Variants in SPMIP2 observed in about 807,000 individuals in gnomAD.
The protein encoded by SPMIP2 is sperm microtubule inner protein 2, also known as protein SPMIP2.
chr4:158,956,651 C>A, the SPMIP2 span, among the ~76,000 whole-genome samples: 1 of 152,242 alleles, frequency 6.6e-6, no homozygotes, highest in Non-Finnish European at 1.5e-5. Flanking sequence ...ATGTGACAAT[C>A]TCTGACATTC....
At chr4:159,015,009 A>G in the SPMIP2 span, among the ~76,000 whole-genome samples, 10 of 152,350 alleles carry the variant, frequency 6.6e-5, no homozygotes, top group Admixed American at 2.6e-4. Flanking sequence ...ATGTGTTATA[A>G]CTACAGTGAT....
chr4:159,075,639 A>C, the SPMIP2 span, among the ~76,000 whole-genome samples: 1 of 152,188 alleles, frequency 6.6e-6, no homozygotes, highest in African/African-American at 2.4e-5. Context: ...CGTGTAGGAC[A>C]AAGCAATCAT....
At chr4:158,983,924 G>A in the SPMIP2 span, among the ~76,000 whole-genome samples, 4 of 120,782 alleles carry the variant, frequency 3.3e-5, no homozygotes, top group Admixed American at 1.9e-4. Flanking sequence ...GACACATATA[G>A]GCTCAAAATA....
At chr4:159,021,657 ATCTC>A in the SPMIP2 span, among the ~76,000 whole-genome samples, 1 of 150,344 alleles carries the variant, frequency 6.7e-6, no homozygotes, top group Non-Finnish European at 1.5e-5. Flanking sequence ...CCTGATTTCT[ATCTC>A]TATCTTCTGA....
chr4:158,941,366 C>A, the SPMIP2 span, among the ~76,000 whole-genome samples: 1 of 152,210 alleles, frequency 6.6e-6, no homozygotes, highest in Non-Finnish European at 1.5e-5. Context: ...AAGCTTTCTG[C>A]TGTTCTTTTT....
At chr4:159,063,294 C>A in the SPMIP2 span, among the ~76,000 whole-genome samples, 2 of 152,290 alleles carry the variant, frequency 1.3e-5, no homozygotes. Flanking sequence ...CATGGTGGCT[C>A]ACGCCTGTAA....
the SPMIP2 span, among the ~76,000 whole-genome samples, chr4:158,961,622 G>A: frequency 1.3e-5 from 2 of 152,016 alleles, no homozygotes; most frequent in Non-Finnish European, 2.9e-5. Context: ...AATTTTGCAG[G>A]ACTTGGATGA....
At chr4:158,989,651 A>G in the SPMIP2 span, among the ~76,000 whole-genome samples, 2 of 152,206 alleles carry the variant, frequency 1.3e-5, no homozygotes, top group Non-Finnish European at 2.9e-5. Flanking sequence ...TATTTAATAA[A>G]TGGTGTTGGG....
the SPMIP2 span, among the ~76,000 whole-genome samples, chr4:158,952,485 G>A: frequency 1.3e-5 from 2 of 152,208 alleles, no homozygotes; most frequent in South Asian, 2.1e-4. Context: ...GTGGAACTAA[G>A]TCCAATTAAA....
chr4:158,963,882 C>T, the SPMIP2 span, among the ~76,000 whole-genome samples: 1 of 152,088 alleles, frequency 6.6e-6, no homozygotes, highest in East Asian at 1.9e-4. Flanking sequence ...GAGGGGTCAG[C>T]CGAGTACGGT....
At chr4:158,948,596 T>G in the SPMIP2 span, among the ~76,000 whole-genome samples, 2 of 151,942 alleles carry the variant, frequency 1.3e-5, no homozygotes, top group African/African-American at 4.8e-5. Context: ...GGTTTGTTTT[T>G]TTTTTTTTTC....
At chr4:159,040,641 C>T in the SPMIP2 span, among the ~76,000 whole-genome samples, 2 of 151,986 alleles carry the variant, frequency 1.3e-5, no homozygotes, top group Non-Finnish European at 2.9e-5. Flanking sequence ...AAATTTTGTA[C>T]ATTTTGTAGA....
chr4:158,944,706 C>T, the SPMIP2 span, among the ~76,000 whole-genome samples: 5 of 152,310 alleles, frequency 3.3e-5, no homozygotes, highest in Admixed American at 6.5e-5. Flanking sequence ...TCTGCTTCTA[C>T]TTATTCACTC....
At chr4:158,947,055 G>T in the SPMIP2 span, among the ~76,000 whole-genome samples, 1 of 152,196 alleles carries the variant, frequency 6.6e-6, no homozygotes, top group Non-Finnish European at 1.5e-5. Context: ...AGAGCTGAGG[G>T]AGGGAGGAAT....
chr4:158,912,957 G>A, the SPMIP2 span, among the ~76,000 whole-genome samples: 1 of 152,178 alleles, frequency 6.6e-6, no homozygotes, highest in Non-Finnish European at 1.5e-5. Context: ...ATGAGGCAAC[G>A]TCACTTATCT....
At chr4:158,970,854 A>G in the SPMIP2 span, among the ~76,000 whole-genome samples, 3 of 152,258 alleles carry the variant, frequency 2.0e-5, no homozygotes, top group South Asian at 6.2e-4. Context: ...GAGAAGCAAC[A>G]TTTCTTATAG....
At chr4:158,904,813 G>A in the SPMIP2 span, 4 of 418,496 alleles carry the variant, frequency 9.6e-6, no homozygotes, top group South Asian at 1.1e-4. Flanking sequence ...TTGGTAGGAG[G>A]AAACATAAGC....
At chr4:158,913,498 AG>A in the SPMIP2 span, among the ~76,000 whole-genome samples, 4 of 152,210 alleles carry the variant, frequency 2.6e-5, no homozygotes, top group Non-Finnish European at 5.9e-5. Context: ...CTGGGTTTAT[AG>A]GTGTGAAACA....
chr4:159,052,671 T>C, the SPMIP2 span, among the ~76,000 whole-genome samples: 1 of 151,296 alleles, frequency 6.6e-6, no homozygotes, highest in South Asian at 2.1e-4. Context: ...TTTGCTCTTG[T>C]TGCCTAGGCT....
Sources: allele counts gnomAD v4.1 joint callset (sites outside exome capture counted in the v4.1 genomes callset), GRCh38; gene constraint gnomAD v4.1.1; transcripts MANE v1.5; gene names NCBI Gene and HGNC (gene_info 2026-07-23, HGNC 2026-07-21).